The following PRIM1 variants were observed in gnomAD, a reference collection of about 807,000 sequenced individuals.
The protein encoded by PRIM1 is DNA primase subunit 1.
PRIM1 carries 38 observed loss-of-function variants against 60.2 expected under a neutral mutation model. The ratio of observed to expected loss-of-function variants is 0.63; its 90% CI spans 0.49 to 0.83. The LOEUF is 0.83. Among genes scored for constraint, PRIM1 ranks in the 40% least tolerant of loss-of-function variants. The pLI is 0.00. For synonymous variants in PRIM1, 158 were observed against 160.2 expected (o/e 0.99, Z 0.10); for missense variants, 388 against 506.2 (o/e 0.77, Z 2.24).
intron 5 of PRIM1, 121 bp downstream of exon 5, chr12:56,745,924 G>A (rs1271416851): frequency 9.6e-7 from 1 of 1,040,510 alleles, no homozygotes; most frequent in Non-Finnish European, 1.3e-6. Flanking sequence ...GGGCAACAGA[G>A]TGAGAGTCCA....
chr12:56,744,041 T>C (rs772258927), intron 6 of PRIM1, 24 bp downstream of exon 6: 5 of 1,524,446 alleles, frequency 3.3e-6, no homozygotes, highest in Non-Finnish European at 2.7e-6. Context: ...CACCTTAAAG[T>C]GCTTGGAGAC....
At position 56,743,000 on chromosome 12, in the gene PRIM1, G is replaced by A. The variant is rs1279849980; in HGVS notation, c.735C>T (p.Ala245=). The change falls in exon 7 of 13, where the codon GCC becomes GCT. Residue 245 remains alanine, a synonymous_variant. Transcript: ENST00000338193. The stretch of plus-strand genomic sequence containing the variant: ...GGGAAAGGATATTTTCAGGAACAAG[G>A]GCTAAAATCTTATCCCAGCTTTCTT... ...ENKESWDKIL[A]LVPETIHDEL... is the part of the protein sequence containing the mutation. The A allele has an allele frequency of 6.5e-7, 1 of 1,540,830 alleles. No individual in the cohort carries two copies. Among genetic ancestry groups the A allele is most frequent in the Non-Finnish European group, 8.7e-7 (1 of 1,145,604 alleles).
intron 11 of PRIM1, among the ~76,000 whole-genome samples, chr12:56,737,622 T>A (rs1953842379): frequency 6.6e-6 from 1 of 152,182 alleles, no homozygotes; most frequent in Non-Finnish European, 1.5e-5. Flanking sequence ...GTGCTGGGAT[T>A]ACAGGTGTGA....
rs761248818 is a variant in PRIM1 at position 56,742,967 on chromosome 12, A to G, written c.748+20T>C. ...ATCAAAACAACTAGCTCACACAGAA[A>G]TGATCACGGGAAAGGATATTTTCAG... On this transcript the variant is annotated intron_variant, in intron 7 of 12. Transcript: ENST00000338193. The G allele has an allele frequency of 6.7e-7, 1 of 1,491,256 alleles. No homozygotes were observed. Among genetic ancestry groups the G allele is most frequent in the African/African-American group, 1.4e-5 (1 of 70,152 alleles). The allele number at this position is 1,491,256 out of a possible 1,614,324, so 92.4% of individuals were successfully genotyped here.
chr12:56,744,519 T>C (rs1953893662), intron 5 of PRIM1, among the ~76,000 whole-genome samples: 1 of 151,728 alleles, frequency 6.6e-6, no homozygotes, highest in Non-Finnish European at 1.5e-5. Context: ...AGATGGTGGG[T>C]CCCATAAGAT....
chr12:56,735,847 C>T (rs547477161), intron 11 of PRIM1, among the ~76,000 whole-genome samples: 18 of 151,066 alleles, frequency 1.2e-4, no homozygotes, highest in African/African-American at 4.1e-4. Context: ...GATGGGGTTT[C>T]GCCATGTTGG....
In PRIM1 at chr12:56,746,807, A is replaced by G; in HGVS notation, c.416T>C (p.Ile139Thr). Reference sequence around the variant, plus strand: ...CTTCAATGCTCTGTCAATGATGCGTATGGCCATTGTCATGAGGGTCCAGCA... The same window carrying G: ...CTTCAATGCTCTGTCAATGATGCGTGTGGCCATTGTCATGAGGGTCCAGCA... ...PKCWTLMTMA[I>T]RIIDRALKED... Residue 139 changes from isoleucine (I) to threonine (T), a missense_variant, in exon 4 of 13, where the codon ATA becomes ACA. By Grantham distance (89) the Ile-to-Thr change is moderately conservative (BLOSUM62 -1). Transcript: ENST00000338193. The G allele has an allele frequency of 1.2e-6, 2 of 1,613,980 alleles. No individual in the cohort carries two copies. Among genetic ancestry groups the G allele is most frequent in the Non-Finnish European group, 1.7e-6 (2 of 1,179,868 alleles).
At chr12:56,744,329 TA>T (rs1303235035) in intron 5 of PRIM1, among the ~76,000 whole-genome samples, 1 of 151,720 alleles carries the variant, frequency 6.6e-6, no homozygotes, top group Non-Finnish European at 1.5e-5. Context: ...CCATCTCTAT[TA>T]AAAATACAAA....
intron 5 of PRIM1, among the ~76,000 whole-genome samples, chr12:56,744,714 G>A (rs1023494892): frequency 1.3e-5 from 2 of 151,652 alleles, no homozygotes; most frequent in African/African-American, 4.9e-5. Flanking sequence ...ATCTGGGTCT[G>A]TGTAAGTATA....
intron 5 of PRIM1, among the ~76,000 whole-genome samples, 184 bp downstream of exon 5, chr12:56,745,861 C>T (rs1188362817): frequency 1.3e-5 from 2 of 151,512 alleles, no homozygotes; most frequent in Non-Finnish European, 2.9e-5. Flanking sequence ...ATTGCTTGGA[C>T]CCAGGAAGCA....
chr12:56,735,099 C>T (rs755063350), intron 11 of PRIM1, among the ~76,000 whole-genome samples: 1 of 151,780 alleles, frequency 6.6e-6, no homozygotes, highest in Non-Finnish European at 1.5e-5. Flanking sequence ...GCGTGAGCCA[C>T]CGCGCCCGGT....
intron 10 of PRIM1, 136 bp downstream of exon 10, chr12:56,739,158 C>T (rs549262347): frequency 3.6e-6 from 2 of 557,838 alleles, no homozygotes; most frequent in Middle Eastern, 4.7e-4. Flanking sequence ...CGTCATCTAA[C>T]CTTTGAACCT....
In PRIM1 at chr12:56,734,245, TC is replaced by T; in HGVS notation, c.1145-1del. On this transcript the variant is annotated splice_acceptor_variant, in intron 11 of 12. Transcript: ENST00000338193. LOFTEE classifies it high-confidence loss of function. ...AGGTGCTAGACTGGTCTTCTTATAATCTAAATTATGAAGAATGTACATTATA... is the reference window on the plus strand; with the variant it reads ...AGGTGCTAGACTGGTCTTCTTATAATTAAATTATGAAGAATGTACATTATA... The T allele has an allele frequency of 6.5e-7, 1 of 1,541,860 alleles. No homozygotes were observed. The highest frequency in any genetic ancestry group is 8.9e-7 in the Non-Finnish European group (1 of 1,123,876).
chr12:56,741,701 G>C (rs1234642239), intron 8 of PRIM1, 45 bp downstream of exon 8: 5 of 1,586,644 alleles, frequency 3.2e-6, no homozygotes, highest in Admixed American at 3.5e-5. Flanking sequence ...ATTTAATTAA[G>C]AATTGCATTA....
intron 11 of PRIM1, 78 bp from the exon 12 acceptor site, chr12:56,734,323 A>G (rs949709099): frequency 3.8e-5 from 34 of 884,038 alleles, no homozygotes; most frequent in Non-Finnish European, 2.1e-5. Flanking sequence ...AGTTTCTTAT[A>G]AGAATTCTCT....
rs1266386179 is a variant in PRIM1 at position 56,744,106 on chromosome 12, T to C, written c.597A>G (p.Lys199=). ...LSLVKGGQDV[K]KKVHLSEKIH... is the part of the protein sequence containing the mutation. ...TTTTTTCACTTAGGTGAACTTTCTT[T>C]TTAACGTCTTGACCACCCTGAAAAA... The change falls in exon 6 of 13, where the codon AAA becomes AAG. Residue 199 remains lysine, a synonymous_variant. Coordinates refer to ENST00000338193, the MANE Select transcript of PRIM1 (RefSeq NM_000946.3). 2.6e-6 allele frequency: 4 copies of C among 1,567,050 alleles called. No homozygotes were observed. Among genetic ancestry groups the C allele is most frequent in the Non-Finnish European group, 3.5e-6 (4 of 1,153,764 alleles).
chr12:56,741,726 C>T lies in PRIM1; in HGVS notation c.840+20G>A. On this transcript the variant is annotated intron_variant, in intron 8 of 12. Coordinates refer to ENST00000338193, the MANE Select transcript of PRIM1 (RefSeq NM_000946.3). ...GAATTGCATTATTATATCTGTAATA[C>T]AGATTTCAGTGGCATATACCTGATA... is the stretch of plus-strand genomic sequence containing the variant. The T allele has an allele frequency of 3.1e-6, 5 of 1,607,426 alleles. No homozygotes were observed. Among genetic ancestry groups the T allele is most frequent in the Non-Finnish European group, 4.3e-6 (5 of 1,174,742 alleles).
chr12:56,734,404 G>A (rs1234562047), intron 11 of PRIM1, among the ~76,000 whole-genome samples, 159 bp from the exon 12 acceptor site: 6 of 152,046 alleles, frequency 3.9e-5, no homozygotes, highest in Non-Finnish European at 7.4e-5. Context: ...ATTAAAAAAG[G>A]TGAAATTATT....
At chr12:56,746,414 C>A in intron 4 of PRIM1, 1 of 649,822 alleles carries the variant, frequency 1.5e-6, no homozygotes, top group Non-Finnish European at 2.8e-6. Flanking sequence ...GGGCAGATCA[C>A]GAGGTCAGGA....
Sources: allele counts gnomAD v4.1 joint callset (sites outside exome capture counted in the v4.1 genomes callset), GRCh38; gene constraint gnomAD v4.1.1; transcripts MANE v1.5; gene names NCBI Gene and HGNC (gene_info 2026-07-23, HGNC 2026-07-21).